TMEM98: variants seen among roughly 807,000 people sequenced by gnomAD.
TMEM98 encodes transmembrane protein 98.
Under a neutral mutation model 25.0 loss-of-function variants are expected in TMEM98, and 18 were observed. The observed-to-expected ratio is 0.72, with a 90% CI of 0.50 to 1.07. The LOEUF is 1.07. TMEM98 is among the 50% of genes least tolerant of loss of function. TMEM98 has a pLI of 0.00. For missense variants in TMEM98, 241 were observed against 289.0 expected, an observed-to-expected ratio of 0.83 and a Z score of 1.20; for synonymous variants, 103 against 112.4, an observed-to-expected ratio of 0.92 and a Z score of 0.53.
intron 6 of TMEM98, among the ~76,000 whole-genome samples, chr17:32,938,489 T>C (rs972750336): frequency 2.0e-5 from 3 of 152,204 alleles, no homozygotes; most frequent in Non-Finnish European, 4.4e-5. Context: ...CTATCGAGTG[T>C]TCATGAGCAA....
chr17:32,940,758 C>G lies in TMEM98; in HGVS notation c.474-28C>G, dbSNP rs371454324. 59 of 1,601,406 alleles carry G rather than the reference C, an allele frequency of 3.7e-5. No individual in the cohort carries two copies. In the African/African-American group the frequency reaches 4.4e-4, roughly 12 times the overall value. Reference sequence around the variant, plus strand: ...GCAAAGTCCCTCATTTCCTAGGAAACCTGACCCTATTTTCTTTTTTTCCCT... The same window carrying G: ...GCAAAGTCCCTCATTTCCTAGGAAAGCTGACCCTATTTTCTTTTTTTCCCT... On this transcript the variant is annotated intron_variant, in intron 7 of 7. Transcript: ENST00000579849.
rs2091534776 is a variant in TMEM98 at position 32,942,218 on chromosome 17, C to G, written c.*1225C>G. ...TGCAAACATTGAAAGATTATGAAAG[C>G]TATGACCCAGAATCACAATTATATA... On this transcript the variant is annotated 3_prime_UTR_variant, in exon 8 of 8. Coordinates refer to ENST00000579849, the MANE Select transcript of TMEM98 (RefSeq NM_015544.3). The G allele has an allele frequency of 6.6e-6, 1 of 152,178 alleles. No individual in the cohort carries two copies. The highest frequency in any genetic ancestry group is 2.4e-5 in the African/African-American group (1 of 41,434). 9.4% of individuals were successfully genotyped at this position (152,178 alleles called of 1,614,324 possible). A position where few individuals can be genotyped will look rare whatever the true frequency, so the allele number is the denominator to read the frequency against.
At position 32,941,802 on chromosome 17, in the gene TMEM98, C is replaced by T. The variant is rs7222220; in HGVS notation, c.*809C>T. ...CGCGGTGGCTCACACCTGTAATCCT[C>T]GCACTTTGGGAGGCTAAGGTGGGTG... On this transcript the variant is annotated 3_prime_UTR_variant, in exon 8 of 8. Transcript: ENST00000579849. The T allele has an allele frequency of 0.11, 16,405 of 152,164 alleles. 1,705 individuals carry two copies. The highest frequency in any genetic ancestry group is 0.27 in the African/African-American group (11,141 of 41,442). The allele number at this position is 152,164 out of a possible 1,614,324, so 9.4% of individuals were successfully genotyped here.
At position 32,939,549 on chromosome 17, in the gene TMEM98, G is replaced by T; in HGVS notation, c.473+13G>T. On this transcript the variant is annotated intron_variant, in intron 7 of 7. Transcript: ENST00000579849. Reference sequence around the variant, plus strand: ...TCCTGGACGCACGGTGAGACCAGGGGTGGGTGCATGTTCGGTTTTTCATGC... The same window carrying T: ...TCCTGGACGCACGGTGAGACCAGGGTTGGGTGCATGTTCGGTTTTTCATGC... 1 of 1,614,080 alleles carries T rather than the reference G, an allele frequency of 6.2e-7. No homozygotes were observed. Among genetic ancestry groups the T allele is most frequent in the Non-Finnish European group, 8.5e-7 (1 of 1,179,930 alleles).
chr17:32,928,917 ACT>A (rs1012144942), intron 1 of TMEM98, among the ~76,000 whole-genome samples: 113 of 147,072 alleles, frequency 7.7e-4, no homozygotes, highest in African/African-American at 2.8e-3. Flanking sequence ...CAAGATAAAC[ACT>A]CAGCTCACAC....
At chr17:32,939,571 A>G (rs763165416) in intron 7 of TMEM98, 35 bp downstream of exon 7, 91 of 1,612,662 alleles carry the variant, frequency 5.6e-5, no homozygotes, top group Non-Finnish European at 7.5e-5. Context: ...TCGGTTTTTC[A>G]TGCAGAGGTC....
chr17:32,937,279 A>G (rs1472508873), intron 6 of TMEM98, among the ~76,000 whole-genome samples: 1 of 150,756 alleles, frequency 6.6e-6, no homozygotes, highest in Non-Finnish European at 1.5e-5. Context: ...CCATGGCCCC[A>G]GGTAAATCAC....
At position 32,938,755 on chromosome 17, in the gene TMEM98, A is replaced by G. The variant is rs116834103; in HGVS notation, c.414-722A>G. ...GACCTGGAAAGTCTACTCCCTCCCA[A>G]TTGTAGGAAAAAACCACTATTAAGT... is the stretch of plus-strand genomic sequence containing the variant. On this transcript the variant is annotated intron_variant, in intron 6 of 7. Transcript: ENST00000579849. Among the ~76,000 whole-genome samples the G allele has an allele frequency of 8.1e-3, 1,229 of 152,316 alleles. 19 individuals carry two copies. Among genetic ancestry groups the G allele is most frequent in the African/African-American group, 0.028 (1,168 of 41,566 alleles).
chr17:32,931,708 G>C, intron 3 of TMEM98, 49 bp downstream of exon 3: 1 of 1,571,692 alleles, frequency 6.4e-7, no homozygotes. Flanking sequence ...TCTAACTAAA[G>C]AAAAAGAGAG....
At chr17:32,933,332 C>T (rs373144943) in intron 4 of TMEM98, 27 bp downstream of exon 4, 63 of 1,613,420 alleles carry the variant, frequency 3.9e-5, no homozygotes, top group South Asian at 1.1e-4. Flanking sequence ...TGTTTGCTTC[C>T]GGGCTTCTGG....
In TMEM98 at chr17:32,939,487, G is replaced by A. The variant is rs1430705542; in HGVS notation, c.424G>A (p.Val142Ile). 1.9e-6 allele frequency: 3 copies of A among 1,614,032 alleles called. No individual in the cohort carries two copies. Among genetic ancestry groups the A allele is most frequent in the South Asian group, 2.2e-5 (2 of 91,076 alleles). ...TTTGCCTCCGGTCAGGGTGGATGAT[G>A]TTGTGAAGTCGATGTACCCTCCGTT... ...AKRISPRVDDVVKSMYPPLDP... is the reference protein window; with the variant it reads ...AKRISPRVDDIVKSMYPPLDP... Residue 142 changes from valine to isoleucine, a missense_variant, in exon 7 of 8, where the codon GTT (valine) becomes ATT (isoleucine). Coordinates refer to ENST00000579849, the MANE Select transcript of TMEM98 (RefSeq NM_015544.3).
intron 7 of TMEM98, among the ~76,000 whole-genome samples, chr17:32,940,052 A>G (rs1481024238): frequency 1.3e-5 from 2 of 152,206 alleles, no homozygotes; most frequent in African/African-American, 4.8e-5. Flanking sequence ...TAAGAAATAT[A>G]GATTCTTTCG....
chr17:32,931,390 C>G lies in TMEM98; in HGVS notation c.-67C>G, dbSNP rs1284003851. The G allele has an allele frequency of 4.9e-6, 6 of 1,220,274 alleles. No individual in the cohort carries two copies. In the African/African-American group the frequency reaches 7.6e-5, roughly 16 times the overall value. 75.6% of individuals were successfully genotyped at this position (1,220,274 alleles called of 1,614,324 possible). A position where few individuals can be genotyped will look rare whatever the true frequency, so the allele number is the denominator to read the frequency against. On this transcript the variant is annotated 5_prime_UTR_variant, in exon 2 of 8. Coordinates refer to ENST00000579849, the MANE Select transcript of TMEM98 (RefSeq NM_015544.3). Reference sequence around the variant, plus strand: ...ACCTGCCATCCTCTTCCCCAATTTGCCACTTCCAGCAGGTAAGACCCACCT... The same window carrying G: ...ACCTGCCATCCTCTTCCCCAATTTGGCACTTCCAGCAGGTAAGACCCACCT...
chr17:32,935,340 T>A (rs543585130), intron 5 of TMEM98, among the ~76,000 whole-genome samples: 1 of 152,322 alleles, frequency 6.6e-6, no homozygotes, highest in Admixed American at 6.5e-5. Context: ...TATACTACAT[T>A]TCCCTTCTCC....
At position 32,931,418 on chromosome 17, in the gene TMEM98, C is replaced by T; in HGVS notation, c.-55+16C>T. The T allele has an allele frequency of 6.9e-7, 1 of 1,454,390 alleles. No individual in the cohort carries two copies. Among genetic ancestry groups the T allele is most frequent in the Non-Finnish European group, 9.2e-7 (1 of 1,088,306 alleles). The allele number at this position is 1,454,390 out of a possible 1,614,324, so 90.1% of individuals were successfully genotyped here. On this transcript the variant is annotated intron_variant, in intron 2 of 7. Transcript: ENST00000579849. ...CTTCCAGCAGGTAAGACCCACCTGT[C>T]CCACTCTCTTTCGTGGCTTCTTGAC...
intron 4 of TMEM98, among the ~76,000 whole-genome samples, 195 bp from the exon 5 acceptor site, chr17:32,934,096 G>A (rs1013021913): frequency 6.6e-6 from 1 of 152,174 alleles, no homozygotes; most frequent in Non-Finnish European, 1.5e-5. Context: ...ATTGGGTGCA[G>A]GGAGGGGAAG....
At chr17:32,932,105 T>TC (rs1000300800) in intron 3 of TMEM98, among the ~76,000 whole-genome samples, 2 of 150,418 alleles carry the variant, frequency 1.3e-5, no homozygotes, top group African/African-American at 4.9e-5. Flanking sequence ...TTTTTTTTTT[T>TC]TTTTTTTTTT....
chr17:32,931,593 C>A lies in TMEM98; in HGVS notation c.65C>A (p.Ala22Asp). Residue 22 changes from alanine (A) to aspartate (D), a missense_variant, in exon 3 of 8, where the codon GCC (alanine) becomes GAC (aspartate). Ala to Asp is a moderately radical substitution (Grantham distance 126, BLOSUM62 -2). Transcript: ENST00000579849. Reference sequence around the variant, plus strand: ...ACCATCTTTCTGGCTTCGTTTGCAGCCTTGGTGCTGGTTTGCAGGCAGCGC... The same window carrying A: ...ACCATCTTTCTGGCTTCGTTTGCAGACTTGGTGCTGGTTTGCAGGCAGCGC... ...LATIFLASFA[A>D]LVLVCRQRYC... is the part of the protein sequence containing the mutation. 1 of 1,604,440 alleles carries A rather than the reference C, an allele frequency of 6.2e-7. No individual in the cohort carries two copies. The highest frequency in any genetic ancestry group is 8.5e-7 in the Non-Finnish European group (1 of 1,175,780).
intron 2 of TMEM98, 26 bp from the exon 3 acceptor site, chr17:32,931,449 C>T (rs1473729132): frequency 6.5e-7 from 1 of 1,538,918 alleles, no homozygotes; most frequent in Non-Finnish European, 8.8e-7. Context: ...TTGACCAGAT[C>T]TGCTCTGACT....
Sources: gnomAD v4.1 joint callset for allele counts (sites outside exome capture counted in the v4.1 genomes callset) on GRCh38, gnomAD v4.1.1 for gene constraint, MANE v1.5 for transcripts, NCBI Gene and HGNC (gene_info 2026-07-23, HGNC 2026-07-21) for gene names.